The following MGAT4C variants were observed in gnomAD, a reference collection of about 807,000 sequenced individuals.
The protein encoded by MGAT4C is MGAT4 family member C.
MGAT4C carries 19 observed loss-of-function variants against 40.1 expected under a neutral mutation model. That is an observed-to-expected ratio of 0.47 (90% CI 0.33 to 0.70). The LOEUF is 0.70. Ranked by LOEUF, MGAT4C falls within the 30% of genes least tolerant of loss-of-function variation. MGAT4C has a pLI of 0.02. For missense variants in MGAT4C, 491 were observed against 563.2 expected (o/e 0.87, Z 1.30); for synonymous variants, 181 against 187.1 (o/e 0.97, Z 0.27).
intron 2 of MGAT4C, among the ~76,000 whole-genome samples, chr12:86,585,937 T>A (rs1961011824): frequency 6.6e-6 from 1 of 151,116 alleles, no homozygotes. Flanking sequence ...TAGGCACTTT[T>A]TTTTTCCCTT....
intron 2 of MGAT4C, among the ~76,000 whole-genome samples, chr12:86,654,402 G>T (rs1254273696): frequency 6.6e-6 from 1 of 151,438 alleles, no homozygotes; most frequent in Non-Finnish European, 1.5e-5. Context: ...TAGAAAAATA[G>T]AATGATATAA....
At chr12:86,709,481 GA>G (rs1285503595) in intron 2 of MGAT4C, among the ~76,000 whole-genome samples, 4 of 151,982 alleles carry the variant, frequency 2.6e-5, no homozygotes, top group East Asian at 1.9e-4. Context: ...CAAAGTATTA[GA>G]AAAAAATCTT....
chr12:86,155,397 G>A (rs1169089421), intron 1 of MGAT4C, among the ~76,000 whole-genome samples: 2 of 152,050 alleles, frequency 1.3e-5, no homozygotes, highest in Non-Finnish European at 2.9e-5. Context: ...AGAGATGATG[G>A]CACCATGGAA....
intron 1 of MGAT4C, among the ~76,000 whole-genome samples, chr12:86,161,739 T>A (rs984091809): frequency 1.3e-5 from 2 of 152,116 alleles, no homozygotes; most frequent in African/African-American, 4.8e-5. Context: ...TGGGAGAAGA[T>A]ATTTGCAAAC....
chr12:86,316,808 A>G (rs1208546417), intron 4 of MGAT4C, among the ~76,000 whole-genome samples: 1 of 152,142 alleles, frequency 6.6e-6, no homozygotes, highest in Non-Finnish European at 1.5e-5. Context: ...ATAAACCTCA[A>G]CATCACACAA....
Position 86,825,535 on chromosome 12 carries a change from CA to C in MGAT4C, c.-262+13130del, listed in dbSNP as rs1268007658. On this transcript the variant is annotated intron_variant, in intron 1 of 7. Coordinates refer to the MGAT4C transcript ENST00000548651. Reference sequence around the variant, plus strand: ...TTATAACATTAATGGGTACCAATAACATTGAAGACAAAATAGTAATGGCTAT... The same window carrying C: ...TTATAACATTAATGGGTACCAATAACTTGAAGACAAAATAGTAATGGCTAT... Among the ~76,000 whole-genome samples the C allele has an allele frequency of 2.6e-5, 4 of 151,328 alleles. No homozygotes were observed. The East Asian group carries it at 7.8e-4, about 29-fold the overall frequency.
intron 2 of MGAT4C, among the ~76,000 whole-genome samples, chr12:86,527,160 T>C (rs572115230): frequency 6.6e-6 from 1 of 152,330 alleles, no homozygotes; most frequent in East Asian, 1.9e-4. Flanking sequence ...TCTTGCCAGA[T>C]GTTAATTTTA....
At chr12:86,204,435 T>G (rs1950177582) in intron 1 of MGAT4C, among the ~76,000 whole-genome samples, 1 of 152,226 alleles carries the variant, frequency 6.6e-6, no homozygotes, top group Admixed American at 6.5e-5. Flanking sequence ...AGATAAATGA[T>G]GTTAAAATGT....
intron 2 of MGAT4C, among the ~76,000 whole-genome samples, chr12:86,024,608 T>G (rs1223325783): frequency 2.0e-5 from 3 of 151,830 alleles, no homozygotes; most frequent in Admixed American, 1.3e-4. Flanking sequence ...TACATCATAG[T>G]GCATGAATGA....
intron 1 of MGAT4C, among the ~76,000 whole-genome samples, chr12:86,223,040 G>A (rs1301071497): frequency 1.3e-5 from 2 of 152,140 alleles, no homozygotes; most frequent in African/African-American, 2.4e-5. Flanking sequence ...TTCGAGAGAG[G>A]GAAAACATAT....
chr12:85,975,312 G>A lies in MGAT4C; in HGVS notation c.*3977C>T, dbSNP rs1313081479. ...TGAAGGCCTCTGGTAATGTTTTCCA[G>A]GGTCATATCCTGTTACATATACGTG... On this transcript the variant is annotated 3_prime_UTR_variant, in exon 5 of 5. Coordinates refer to ENST00000611864, the MANE Select transcript of MGAT4C (RefSeq NM_001351288.2). The A allele has an allele frequency of 6.6e-6, 1 of 151,056 alleles. No homozygotes were observed. The highest frequency in any genetic ancestry group is 1.5e-5 in the Non-Finnish European group (1 of 67,122). 9.4% of individuals were successfully genotyped at this position (151,056 alleles called of 1,614,324 possible). A position where few individuals can be genotyped will look rare whatever the true frequency, so the allele number is the denominator to read the frequency against.
chr12:86,097,614 A>G (rs1217595733), intron 1 of MGAT4C, among the ~76,000 whole-genome samples: 2 of 151,612 alleles, frequency 1.3e-5, no homozygotes, highest in African/African-American at 4.8e-5. Context: ...GAAACTTGCC[A>G]TGGATTTAGA....
intron 3 of MGAT4C, among the ~76,000 whole-genome samples, chr12:86,382,626 A>C (rs982957572): frequency 6.6e-6 from 1 of 152,168 alleles, no homozygotes; most frequent in Non-Finnish European, 1.5e-5. Flanking sequence ...TCACAGGCCC[A>C]GGGGTTTAGG....
At chr12:86,778,188 C>G (rs995839556) in intron 1 of MGAT4C, among the ~76,000 whole-genome samples, 9 of 152,044 alleles carry the variant, frequency 5.9e-5, no homozygotes, top group African/African-American at 2.2e-4. Flanking sequence ...GTATTTAGAA[C>G]ATCAGGATCA....
intron 2 of MGAT4C, among the ~76,000 whole-genome samples, chr12:86,482,556 T>C (rs1382006534): frequency 6.6e-6 from 1 of 152,072 alleles, no homozygotes; most frequent in East Asian, 1.9e-4. Flanking sequence ...CTTCTAAATG[T>C]ATATGTTGTT....
chr12:86,376,340 C>T (rs559922752), intron 3 of MGAT4C, among the ~76,000 whole-genome samples: 70 of 151,900 alleles, frequency 4.6e-4, no homozygotes, highest in African/African-American at 1.6e-3. Context: ...ATCCAACCAC[C>T]GCACTCCAGC....
At position 85,989,426 on chromosome 12, in the gene MGAT4C, A is replaced by G; in HGVS notation, c.121T>C (p.Leu41=). The G allele has an allele frequency of 6.2e-7, 1 of 1,607,500 alleles. No individual in the cohort carries two copies. The highest frequency in any genetic ancestry group is 8.5e-7 in the Non-Finnish European group (1 of 1,177,068). The change falls in exon 3 of 5, where the codon TTG becomes CTG. Residue 41 remains leucine, a synonymous_variant. Coordinates refer to ENST00000611864, the MANE Select transcript of MGAT4C (RefSeq NM_001351288.2). ...AGAACATAGCTATCTTCAATGTACA[A>G]GTTCATAAAAAGGAGAAAAATGACA... ...VLVIFLLFMN[L]YIEDSYVLEG...
intron 1 of MGAT4C, among the ~76,000 whole-genome samples, chr12:86,080,084 C>T (rs1870544437): frequency 1.3e-5 from 2 of 152,138 alleles, no homozygotes; most frequent in African/African-American, 4.8e-5. Context: ...AAGATTCCCT[C>T]ACCAAGCATG....
intron 2 of MGAT4C, among the ~76,000 whole-genome samples, chr12:86,726,319 T>C (rs1006221509): frequency 1.3e-5 from 2 of 152,220 alleles, no homozygotes; most frequent in African/African-American, 4.8e-5. Flanking sequence ...TTTATAGAGA[T>C]GGAACGTCAA....
Sources: allele counts gnomAD v4.1 joint callset (sites outside exome capture counted in the v4.1 genomes callset), GRCh38; gene constraint gnomAD v4.1.1; transcripts MANE v1.5; gene names NCBI Gene and HGNC (gene_info 2026-07-23, HGNC 2026-07-21).